Variants in ZNF580 observed in about 807,000 individuals in gnomAD.
ZNF580 encodes the protein zinc finger protein 580, also known as LDL-induced EC protein.
ZNF580 carries 1 observed loss-of-function variant against 1.3 expected under a neutral mutation model. The ratio of observed to expected loss-of-function variants is 0.77; its 90% CI spans 0.27 to 3.65. The LOEUF (loss-of-function observed/expected upper bound fraction) is 3.65, where lower values mean the gene tolerates loss of function less well. ZNF580 is among the 30% of genes most tolerant of loss of function. ZNF580 has a pLI of 0.19. For missense variants in ZNF580, 268 were observed against 272.3 expected (o/e 0.98, Z 0.11); for synonymous variants, 135 against 128.8 (o/e 1.05, Z -0.32).
Position 55,641,151 on chromosome 19 carries a change from C to G in ZNF580, c.-45C>G, listed in dbSNP as rs1196454739. On this transcript the variant is annotated 5_prime_UTR_variant, in exon 1 of 2. Coordinates refer to ENST00000325333, the MANE Select transcript of ZNF580 (RefSeq NM_207115.2). ...CCCGGGGCCGCCCGGGACCTCGGCC[C>G]GTTCCTCCGGACCCGAGAGGCCGCC... 2.0e-6 allele frequency: 2 copies of G among 985,426 alleles called. No homozygotes were observed. Among genetic ancestry groups the G allele is most frequent in the Non-Finnish European group, 2.4e-6 (2 of 829,944 alleles). The allele number at this position is 985,426 out of a possible 1,614,324, so 61.0% of individuals were successfully genotyped here.
chr19:55,643,194 C>A lies in ZNF580; in HGVS notation c.*167C>A. ...AGGGAGGAGCATCATTCCTTCCTTA[C>A]CCCCTTTCTAGCTGTGTGATGTAGA... On this transcript the variant is annotated 3_prime_UTR_variant, in exon 2 of 2. Transcript: ENST00000325333. 1 of 1,164,468 alleles carries A rather than the reference C, an allele frequency of 8.6e-7. No homozygotes were observed. Among genetic ancestry groups the A allele is most frequent in the Non-Finnish European group, 1.1e-6 (1 of 904,760 alleles). 72.1% of individuals were successfully genotyped at this position (1,164,468 alleles called of 1,614,324 possible).
chr19:55,642,523 G>A lies in ZNF580; in HGVS notation c.15G>A (p.Pro5=), dbSNP rs761354849. The A allele has an allele frequency of 2.9e-5, 42 of 1,436,430 alleles. No homozygotes were observed. Among genetic ancestry groups the A allele is most frequent in the Non-Finnish European group, 2.9e-5 (32 of 1,097,192 alleles). The allele number at this position is 1,436,430 out of a possible 1,614,324, so 89.0% of individuals were successfully genotyped here. The change falls in exon 2 of 2, where the codon CCG becomes CCA. Residue 5 remains proline (P), a synonymous_variant. Coordinates refer to ENST00000325333, the MANE Select transcript of ZNF580 (RefSeq NM_207115.2). Reference sequence around the variant, plus strand: ...TGCCGCTCCAGATGCTGCTGCTGCCGCCGCGGCCACCCCACCCTCGGTCCT... The same window carrying A: ...TGCCGCTCCAGATGCTGCTGCTGCCACCGCGGCCACCCCACCCTCGGTCCT... MLLL[P]PRPPHPRSSS...
In ZNF580 at chr19:55,642,180, G is replaced by T. The variant is rs896722911; in HGVS notation, c.-12-317G>T. On this transcript the variant is annotated intron_variant, in intron 1 of 1. Coordinates refer to ENST00000325333, the MANE Select transcript of ZNF580 (RefSeq NM_207115.2). ...AGATTTAGGGATTGATTGTCTGCTG[G>T]GGTGGGTTGAGAGGAGAAAAGGGAA... The T allele has an allele frequency of 3.0e-5, 33 of 1,118,204 alleles. No homozygotes were observed. In the African/African-American group the frequency reaches 4.9e-4, roughly 16 times the overall value. 69.3% of individuals were successfully genotyped at this position (1,118,204 alleles called of 1,614,324 possible).
chr19:55,642,247 T>C (rs1170877491), intron 1 of ZNF580: 5 of 1,221,078 alleles, frequency 4.1e-6, no homozygotes, highest in Non-Finnish European at 5.1e-6. Context: ...ACCTGAGTGG[T>C]GAGAGGTGGA....
At position 55,642,580 on chromosome 19, in the gene ZNF580, C is replaced by A. The variant is rs778020661; in HGVS notation, c.72C>A (p.Pro24=). The A allele has an allele frequency of 5.5e-6, 8 of 1,450,440 alleles. No individual in the cohort carries two copies. The highest frequency in any genetic ancestry group is 7.3e-6 in the Non-Finnish European group (8 of 1,101,930). 89.8% of individuals were successfully genotyped at this position (1,450,440 alleles called of 1,614,324 possible). The change falls in exon 2 of 2, where the codon CCC becomes CCA. Residue 24 remains proline, a synonymous_variant. Transcript: ENST00000325333. ...CGGAGGCCATGGACCCACCGCCCCC[C>A]AAGGCTCCCCCTTTCCCCAAGGCGG... ...SSPEAMDPPP[P]KAPPFPKAEG... is the part of the protein sequence containing the mutation.
Position 55,643,039 on chromosome 19 carries a change from GGCCTGTGCTGCCCT to G in ZNF580, c.*16_*29del. The G allele has an allele frequency of 7.4e-7, 1 of 1,356,192 alleles. No individual in the cohort carries two copies. The highest frequency in any genetic ancestry group is 9.5e-7 in the Non-Finnish European group (1 of 1,053,078). The allele number at this position is 1,356,192 out of a possible 1,614,324, so 84.0% of individuals were successfully genotyped here. ...TGCGCCTCCACTAAGCTCGAGACCCGGCCTGTGCTGCCCTGCCCGTCTCAGGGCCACCAAGTCTG... is the reference window on the plus strand; with the variant it reads ...TGCGCCTCCACTAAGCTCGAGACCCGGCCCGTCTCAGGGCCACCAAGTCTG... On this transcript the variant is annotated 3_prime_UTR_variant, in exon 2 of 2. Transcript: ENST00000325333.
Position 55,643,081 on chromosome 19 carries a change from C to T in ZNF580, c.*54C>T. The T allele has an allele frequency of 3.7e-6, 5 of 1,336,036 alleles. No individual in the cohort carries two copies. The highest frequency in any genetic ancestry group is 3.1e-5 in the East Asian group (1 of 32,160). 82.8% of individuals were successfully genotyped at this position (1,336,036 alleles called of 1,614,324 possible). On this transcript the variant is annotated 3_prime_UTR_variant, in exon 2 of 2. Transcript: ENST00000325333. ...CCGTCTCAGGGCCACCAAGTCTGAC[C>T]CACACAGCGTCACTCACTCCCACAC...
chr19:55,642,718 G>A lies in ZNF580; in HGVS notation c.210G>A (p.Glu70=). Residue 70 remains glutamate, a synonymous_variant, in exon 2 of 2, where the codon GAG becomes GAA. Transcript: ENST00000325333. The part of the protein sequence containing the change: ...GVPYTYTVQL[E]EEPRGPPQRE... ...CCTACACATACACGGTGCAGCTGGA[G>A]GAGGAGCCCCGGGGCCCGCCCCAGC... 6.6e-7 allele frequency: 1 copy of A among 1,507,264 alleles called. No homozygotes were observed. The highest frequency in any genetic ancestry group is 2.6e-5 in the East Asian group (1 of 38,358). The allele number at this position is 1,507,264 out of a possible 1,614,324, so 93.4% of individuals were successfully genotyped here.
Position 55,642,555 on chromosome 19 carries a change from C to T in ZNF580, c.47C>T (p.Pro16Leu). ...PRPPHPRSSS[P>L]EAMDPPPPKA... The stretch of plus-strand genomic sequence containing the variant: ...CCACCCCACCCTCGGTCCTCCTCTC[C>T]GGAGGCCATGGACCCACCGCCCCCC... Residue 16 changes from proline (P) to leucine (L), a missense_variant, in exon 2 of 2, where the codon CCG becomes CTG. Pro to Leu is a moderately conservative substitution (Grantham distance 98). Transcript: ENST00000325333. 1 of 1,458,226 alleles carries T rather than the reference C, an allele frequency of 6.9e-7. No homozygotes were observed. Among genetic ancestry groups the T allele is most frequent in the Non-Finnish European group, 9.0e-7 (1 of 1,109,070 alleles). 90.3% of individuals were successfully genotyped at this position (1,458,226 alleles called of 1,614,324 possible). A position where few individuals can be genotyped will look rare whatever the true frequency, so the allele number is the denominator to read the frequency against.
chr19:55,642,239 C>T, intron 1 of ZNF580: 1 of 1,215,580 alleles, frequency 8.2e-7, no homozygotes, highest in African/African-American at 1.6e-5. Flanking sequence ...CAGACCTGAC[C>T]TGAGTGGTGA....
chr19:55,641,392 G>C (rs888266840), intron 1 of ZNF580, among the ~76,000 whole-genome samples: 1 of 152,228 alleles, frequency 6.6e-6, no homozygotes, highest in Admixed American at 6.5e-5. Context: ...GGGACAGGCG[G>C]TGTGTAGCGG....
At position 55,642,680 on chromosome 19, in the gene ZNF580, G is replaced by A; in HGVS notation, c.172G>A (p.Ala58Thr). 7.0e-7 allele frequency: 1 copy of A among 1,433,700 alleles called. No individual in the cohort carries two copies. Among genetic ancestry groups the A allele is most frequent in the South Asian group, 1.4e-5 (1 of 69,756 alleles). The allele number at this position is 1,433,700 out of a possible 1,614,324, so 88.8% of individuals were successfully genotyped here. A position where few individuals can be genotyped will look rare whatever the true frequency, so the allele number is the denominator to read the frequency against. ...GCTGGGCCGCCACCTCCTCATCGAC[G>A]CCAATGGGGTCCCCTACACATACAC... ...PRLGRHLLID[A>T]NGVPYTYTVQ... The change falls in exon 2 of 2, where the codon GCC (alanine) becomes ACC (threonine). Residue 58 changes from alanine (A) to threonine (T), a missense_variant. Physicochemically the swap from Ala to Thr is moderately conservative, Grantham distance 58. Coordinates refer to ENST00000325333, the MANE Select transcript of ZNF580 (RefSeq NM_207115.2).
intron 1 of ZNF580, 77 bp from the exon 2 acceptor site, chr19:55,642,420 G>A (rs1407110671): frequency 7.9e-6 from 11 of 1,392,680 alleles, no homozygotes; most frequent in South Asian, 1.8e-5. Flanking sequence ...AGTGATAGTG[G>A]GGATGCTTTC....
chr19:55,643,225 G>A lies in ZNF580; in HGVS notation c.*198G>A, dbSNP rs1982644563. 1.0e-6 allele frequency: 1 copy of A among 974,542 alleles called. No individual in the cohort carries two copies. The highest frequency in any genetic ancestry group is 1.7e-5 in the African/African-American group (1 of 58,466). 60.4% of individuals were successfully genotyped at this position (974,542 alleles called of 1,614,324 possible). On this transcript the variant is annotated 3_prime_UTR_variant, in exon 2 of 2. Transcript: ENST00000325333. ...TTCTAGCTGTGTGATGTAGACCAAA[G>A]TCGTTGCCCCTCCCTGGGCCTGGGA...
chr19:55,642,238 C>T, intron 1 of ZNF580: 2 of 1,214,022 alleles, frequency 1.6e-6, no homozygotes, highest in Non-Finnish European at 2.0e-6. Context: ...TCAGACCTGA[C>T]CTGAGTGGTG....
At chr19:55,641,323 A>C in intron 1 of ZNF580, 140 bp downstream of exon 1, 2 of 533,098 alleles carry the variant, frequency 3.8e-6, no homozygotes, top group Non-Finnish European at 4.8e-6. Context: ...CGGGAGGGGA[A>C]GTCGAGGCGC....
rs775430139 is a variant in ZNF580 at position 55,642,774 on chromosome 19, G to T, written c.266G>T (p.Arg89Leu). 1 of 1,548,456 alleles carries T rather than the reference G, an allele frequency of 6.5e-7. No homozygotes were observed. The highest frequency in any genetic ancestry group is 8.7e-7 in the Non-Finnish European group (1 of 1,153,514). The change falls in exon 2 of 2, where the codon CGC becomes CTC. Residue 89 changes from arginine (R) to leucine (L), a missense_variant. Coordinates refer to ENST00000325333, the MANE Select transcript of ZNF580 (RefSeq NM_207115.2). ...REAPPGEPGP[R>L]KGYSCPECAR... is the part of the protein sequence containing the mutation. ...GCGCCCCCAGGAGAGCCCGGCCCTCGCAAGGGCTACAGCTGCCCGGAGTGC... is the reference window on the plus strand; with the variant it reads ...GCGCCCCCAGGAGAGCCCGGCCCTCTCAAGGGCTACAGCTGCCCGGAGTGC...
intron 1 of ZNF580, 158 bp from the exon 2 acceptor site, chr19:55,642,339 G>T: frequency 1.6e-6 from 2 of 1,265,840 alleles, no homozygotes; most frequent in Non-Finnish European, 2.0e-6. Context: ...TGGAACGTGG[G>T]AGAGCCGGGC....
rs1285979337 is a variant in ZNF580, at chr19:55,642,540, C to T, written c.32C>T (p.Pro11Leu). The change falls in exon 2 of 2, where the codon CCT becomes CTT. Residue 11 changes from proline to leucine, a missense_variant. Coordinates refer to ENST00000325333, the MANE Select transcript of ZNF580 (RefSeq NM_207115.2). ...CTGCTGCCGCCGCGGCCACCCCACCCTCGGTCCTCCTCTCCGGAGGCCATG... is the reference window on the plus strand; with the variant it reads ...CTGCTGCCGCCGCGGCCACCCCACCTTCGGTCCTCCTCTCCGGAGGCCATG... MLLLPPRPPH[P>L]RSSSPEAMDP... 1.4e-6 allele frequency: 2 copies of T among 1,444,520 alleles called. No individual in the cohort carries two copies. The allele number at this position is 1,444,520 out of a possible 1,614,324, so 89.5% of individuals were successfully genotyped here.
Sources: gnomAD v4.1 joint callset for allele counts (sites outside exome capture counted in the v4.1 genomes callset) on GRCh38, gnomAD v4.1.1 for gene constraint, MANE v1.5 for transcripts, NCBI Gene and HGNC (gene_info 2026-07-23, HGNC 2026-07-21) for gene names.